Variants in FBXO41 observed in about 807,000 individuals in gnomAD.
The protein encoded by FBXO41 is F-box only protein 41.
A neutral mutation model predicts 81.6 loss-of-function variants in FBXO41; 33 were observed. The observed-to-expected ratio is 0.40, with a 90% CI of 0.31 to 0.54. FBXO41 has a LOEUF of 0.54. Among genes scored for constraint, FBXO41 ranks in the 20% least tolerant of loss-of-function variants. FBXO41 has a pLI of 0.39. For synonymous variants in FBXO41, 576 were observed against 552.7 expected (o/e 1.04, Z -0.59); for missense variants, 1,107 against 1,236.0 (o/e 0.90, Z 1.56).
intron 1 of FBXO41, among the ~76,000 whole-genome samples, chr2:73,276,597 A>AGAGAGAGAGG (rs1688693765): frequency 1.9e-5 from 2 of 105,766 alleles, no homozygotes; most frequent in East Asian, 6.5e-4. Context: ...AGAGAGAGAG[A>AGAGAGAGAGG]GAGAGAGGGA....
Position 73,269,483 on chromosome 2 carries a change from C to A in FBXO41, c.148G>T (p.Gly50Cys). ...ILSKTNSICD[G>C]AAAAAAAAAA... ...GCGGCGGCCGCGGCGGCGGCGGCGC[C>A]GTCGCAGATGCTGTTGGTCTTGGAG... Residue 50 changes from glycine (G) to cysteine (C), a missense_variant, in exon 2 of 13, where the codon GGC becomes TGC. Around this residue, in one of 2 missense-constraint regions of FBXO41, gnomAD observed 771 missense variants for 789.2 expected, o/e 0.98. Transcript: ENST00000520530. The surrounding 1 kb of genome is among the most constrained non-coding windows in gnomAD (Gnocchi z 7.0). 2 of 1,286,358 alleles carry A rather than the reference C, an allele frequency of 1.6e-6. No homozygotes were observed. The highest frequency in any genetic ancestry group is 9.9e-7 in the Non-Finnish European group (1 of 1,012,616). 79.7% of individuals were successfully genotyped at this position (1,286,358 alleles called of 1,614,324 possible).
Position 73,269,222 on chromosome 2 carries a change from G to A in FBXO41, c.409C>T (p.Leu137Phe). 1.3e-6 allele frequency: 2 copies of A among 1,525,140 alleles called. No homozygotes were observed. The highest frequency in any genetic ancestry group is 1.8e-6 in the Non-Finnish European group (2 of 1,137,852). The allele number at this position is 1,525,140 out of a possible 1,614,324, so 94.5% of individuals were successfully genotyped here. Residue 137 changes from leucine (L) to phenylalanine (F), a missense_variant, in exon 2 of 13, where the codon CTT (leucine) becomes TTT (phenylalanine). Leu to Phe is a conservative substitution (Grantham distance 22, BLOSUM62 0). This residue lies in a region of FBXO41 where 771 missense variants were observed against 789.2 expected (regional missense o/e 0.98). Coordinates refer to ENST00000520530, the MANE Select transcript of FBXO41 (RefSeq NM_001371389.2). This position sits in a 1 kb window ranked among gnomAD's most constrained non-coding sequence, Gnocchi z 7.0. ...TAGCGCGCTGCTGCGGCGGGCACAA[G>A]GCCCGGCTCGGCCAACTCCTCACAG... ...LPCEELAEPG[L>F]VPAAAARYAL...
At position 73,269,030 on chromosome 2, in the gene FBXO41, C is replaced by T. The variant is rs1434706788; in HGVS notation, c.601G>A (p.Gly201Ser). 4.6e-6 allele frequency: 7 copies of T among 1,537,500 alleles called. No homozygotes were observed. The highest frequency in any genetic ancestry group is 5.2e-6 in the Non-Finnish European group (6 of 1,146,074). ...PSPADVAYEE[G>S]LARLKIRALE... ...GCGCGGATCTTGAGGCGCGCCAGGC[C>T]CTCTTCGTAGGCCACATCAGCGGGT... Residue 201 changes from glycine to serine, a missense_variant, in exon 2 of 13, where the codon GGC becomes AGC. Coordinates refer to ENST00000520530, the MANE Select transcript of FBXO41 (RefSeq NM_001371389.2). The surrounding 1 kb of genome is among the most constrained non-coding windows in gnomAD (Gnocchi z 7.0).
rs767175125 is a variant in FBXO41, at chr2:73,268,914, G to C, written c.717C>G (p.Ala239=). The change falls in exon 2 of 13, where the codon GCC becomes GCG. Residue 239 remains alanine, a synonymous_variant. Coordinates refer to ENST00000520530, the MANE Select transcript of FBXO41 (RefSeq NM_001371389.2). ...GTTCGGCCGCCTTGCGCTCCAGCTC[G>C]GCCTGCAGCCGGCCCACCTGGCCCG... ...KIAGQVGRLQ[A]ELERKAAELE... is the part of the protein sequence containing the mutation. 2.6e-6 allele frequency: 4 copies of C among 1,543,930 alleles called. No homozygotes were observed. The highest frequency in any genetic ancestry group is 2.4e-5 in the South Asian group (2 of 84,062).
At position 73,269,310 on chromosome 2, in the gene FBXO41, G is replaced by A. The variant is rs997389055; in HGVS notation, c.321C>T (p.His107=). The change falls in exon 2 of 13, where the codon CAC becomes CAT. Residue 107 remains histidine (H), a synonymous_variant. Coordinates refer to ENST00000520530, the MANE Select transcript of FBXO41 (RefSeq NM_001371389.2). The surrounding 1 kb of genome is among the most constrained non-coding windows in gnomAD (Gnocchi z 7.0). Reference sequence around the variant, plus strand: ...CGAGGGGAGCGTGGTGATGGTGGTGGTGCAGCAGGTGCGGCGCCGCGGGCG... The same window carrying A: ...CGAGGGGAGCGTGGTGATGGTGGTGATGCAGCAGGTGCGGCGCCGCGGGCG... The part of the protein sequence containing the change: ...GPSPAAPHLL[H]HHHHHAPLAH... 6.5e-7 allele frequency: 1 copy of A among 1,528,066 alleles called. No homozygotes were observed. Among genetic ancestry groups the A allele is most frequent in the South Asian group, 1.2e-5 (1 of 82,764 alleles). The allele number at this position is 1,528,066 out of a possible 1,614,324, so 94.7% of individuals were successfully genotyped here.
intron 1 of FBXO41, among the ~76,000 whole-genome samples, chr2:73,283,959 A>C (rs1022301813): frequency 3.3e-5 from 5 of 151,950 alleles, no homozygotes; most frequent in African/African-American, 9.7e-5. Flanking sequence ...CTGGTCTCGA[A>C]ACGTTCTGAT....
chr2:73,258,619 A>C lies in FBXO41; in HGVS notation c.*363T>G. 1.3e-5 allele frequency: 3 copies of C among 232,680 alleles called. No homozygotes were observed. The highest frequency in any genetic ancestry group is 1.7e-5 in the Non-Finnish European group (2 of 119,666). The allele number at this position is 232,680 out of a possible 1,614,324, so 14.4% of individuals were successfully genotyped here. ...CTGACCAGGAGGCTGGGCCTCAGGA[A>C]GGAGAGGCCAGCCAGAACAGCTGAG... On this transcript the variant is annotated 3_prime_UTR_variant, in exon 13 of 13. Transcript: ENST00000520530.
In FBXO41 at chr2:73,259,085, G is replaced by A. The variant is rs1443205628; in HGVS notation, c.2566-41C>T. The A allele has an allele frequency of 6.2e-7, 1 of 1,607,746 alleles. No individual in the cohort carries two copies. Among genetic ancestry groups the A allele is most frequent in the Non-Finnish European group, 8.5e-7 (1 of 1,176,558 alleles). On this transcript the variant is annotated intron_variant, in intron 12 of 12. Coordinates refer to ENST00000520530, the MANE Select transcript of FBXO41 (RefSeq NM_001371389.2). This position sits in a 1 kb window ranked among gnomAD's most constrained non-coding sequence, Gnocchi z 4.2. ...TGGGTTAGTTCTCCCTCCGTGCCAG[G>A]CAGGTGGGGCCCTCCTGCCACACTC...
rs1466422084 is a variant in FBXO41, at chr2:73,269,782, G to C, written c.-138-14C>G. 1 of 314,088 alleles carries C rather than the reference G, an allele frequency of 3.2e-6. No individual in the cohort carries two copies. The highest frequency in any genetic ancestry group is 5.6e-5 in the Admixed American group (1 of 17,702). 19.5% of individuals were successfully genotyped at this position (314,088 alleles called of 1,614,324 possible). On this transcript the variant is annotated splice_polypyrimidine_tract_variant and intron_variant, in intron 1 of 12. Transcript: ENST00000520530. The surrounding 1 kb of genome is among the most constrained non-coding windows in gnomAD (Gnocchi z 7.0). ...GGGGCGAGGAGGCTGGAAGAGACGC[G>C]ATGAGTCTTAGGAAGAGGGTATCGC... is the stretch of plus-strand genomic sequence containing the variant.
intron 1 of FBXO41, among the ~76,000 whole-genome samples, chr2:73,273,544 G>C (rs747669927): frequency 1.8e-4 from 28 of 152,154 alleles, no homozygotes; most frequent in Non-Finnish European, 3.4e-4. Context: ...TGTTCCATTA[G>C]AATCACAGTG....
In FBXO41 at chr2:73,259,498, T is replaced by G. The variant is rs574726925; in HGVS notation, c.2450-202A>C. ...GGCTGAGGCACAGGAGAGGCTGCAT[T>G]GGCCTCTGGGAGGGTGAGTGGGCAG... On this transcript the variant is annotated intron_variant, in intron 11 of 12. Coordinates refer to ENST00000520530, the MANE Select transcript of FBXO41 (RefSeq NM_001371389.2). This position sits in a 1 kb window ranked among gnomAD's most constrained non-coding sequence, Gnocchi z 4.2. Among the ~76,000 whole-genome samples, 4 of 152,226 alleles carry G rather than the reference T, an allele frequency of 2.6e-5. No individual in the cohort carries two copies. The South Asian group carries it at 8.3e-4, about 32-fold the overall frequency.
Position 73,266,045 on chromosome 2 carries a change from G to A in FBXO41, c.1132-79C>T. The A allele has an allele frequency of 7.9e-7, 1 of 1,269,018 alleles. No individual in the cohort carries two copies. Among genetic ancestry groups the A allele is most frequent in the Non-Finnish European group, 1.1e-6 (1 of 895,244 alleles). 78.6% of individuals were successfully genotyped at this position (1,269,018 alleles called of 1,614,324 possible). ...TGAGCAGGAATAGCAGGGGAAACAG[G>A]GCAAAAGATGGAGAGGAGATGGGGG... On this transcript the variant is annotated intron_variant, in intron 3 of 12. Transcript: ENST00000520530. This position sits in a 1 kb window ranked among gnomAD's most constrained non-coding sequence, Gnocchi z 5.3.
intron 6 of FBXO41, 104 bp from the exon 7 acceptor site, chr2:73,264,157 A>C (rs978011828): frequency 7.7e-6 from 12 of 1,558,952 alleles, no homozygotes; most frequent in Non-Finnish European, 1.0e-5. Context: ...CATTTCAGGG[A>C]AGCCAGGTTG....
rs1207549272 is a variant in FBXO41 at position 73,266,265 on chromosome 2, A to C, written c.1131+192T>G. Among the ~76,000 whole-genome samples, 2 of 152,102 alleles carry C rather than the reference A, an allele frequency of 1.3e-5. No homozygotes were observed. The highest frequency in any genetic ancestry group is 1.3e-4 in the Admixed American group (2 of 15,280). ...TGGGGCCACCGAATCACATCTCACT[A>C]CAGCCTCGGGGGCTGGCACTGGCAC... On this transcript the variant is annotated intron_variant, in intron 3 of 12. Transcript: ENST00000520530. The surrounding 1 kb of genome is among the most constrained non-coding windows in gnomAD (Gnocchi z 5.3).
chr2:73,262,660 G>A lies in FBXO41; in HGVS notation c.2171+553C>T, dbSNP rs142871920. Among the ~76,000 whole-genome samples the A allele has an allele frequency of 1.9e-3, 295 of 152,370 alleles. 3 individuals carry two copies. The highest frequency in any genetic ancestry group is 4.5e-3 in the African/African-American group (186 of 41,592). On this transcript the variant is annotated intron_variant, in intron 9 of 12. Transcript: ENST00000520530. Reference sequence around the variant, plus strand: ...ATACCACCTTTACTTTGCAGTTTGAGAAACTAAGACATGATTGAGATTGCC... The same window carrying A: ...ATACCACCTTTACTTTGCAGTTTGAAAAACTAAGACATGATTGAGATTGCC...
At chr2:73,262,352 T>C (rs1000443042) in intron 9 of FBXO41, among the ~76,000 whole-genome samples, 3 of 152,120 alleles carry the variant, frequency 2.0e-5, no homozygotes, top group Non-Finnish European at 4.4e-5. Context: ...GAAGGCACAC[T>C]GGATGACTGG....
At position 73,266,936 on chromosome 2, in the gene FBXO41, A is replaced by G; in HGVS notation, c.906-254T>C. The G allele has an allele frequency of 2.1e-6, 1 of 468,124 alleles. No individual in the cohort carries two copies. Among genetic ancestry groups the G allele is most frequent in the Non-Finnish European group, 3.7e-6 (1 of 270,932 alleles). 29.0% of individuals were successfully genotyped at this position (468,124 alleles called of 1,614,324 possible). ...CCCAGACCCTGCTCTCCACAGAAAT[A>G]CTGCACACCCTGCTCTCCACAGAAA... On this transcript the variant is annotated intron_variant, in intron 2 of 12. Coordinates refer to ENST00000520530, the MANE Select transcript of FBXO41 (RefSeq NM_001371389.2). The surrounding 1 kb of genome is among the most constrained non-coding windows in gnomAD (Gnocchi z 5.3).
At position 73,266,069 on chromosome 2, in the gene FBXO41, G is replaced by A; in HGVS notation, c.1132-103C>T. The A allele has an allele frequency of 2.0e-6, 2 of 1,005,394 alleles. No individual in the cohort carries two copies. Among genetic ancestry groups the A allele is most frequent in the Non-Finnish European group, 3.0e-6 (2 of 663,722 alleles). 62.3% of individuals were successfully genotyped at this position (1,005,394 alleles called of 1,614,324 possible). ...GGGCAAAAGATGGAGAGGAGATGGG[G>A]GAGAGGAGAGAGAAGGGAAAATAGT... is the stretch of plus-strand genomic sequence containing the variant. On this transcript the variant is annotated intron_variant, in intron 3 of 12. Coordinates refer to ENST00000520530, the MANE Select transcript of FBXO41 (RefSeq NM_001371389.2). The surrounding 1 kb of genome is among the most constrained non-coding windows in gnomAD (Gnocchi z 5.3).
chr2:73,266,384 C>G lies in FBXO41; in HGVS notation c.1131+73G>C. On this transcript the variant is annotated intron_variant, in intron 3 of 12. Coordinates refer to ENST00000520530, the MANE Select transcript of FBXO41 (RefSeq NM_001371389.2). The surrounding 1 kb of genome is among the most constrained non-coding windows in gnomAD (Gnocchi z 5.3). ...GAATGCGGCATCATGGGGGAGATGT[C>G]CAGCCATGTGAAAGGTGAGGTTGTG... 1 of 1,414,348 alleles carries G rather than the reference C, an allele frequency of 7.1e-7. No individual in the cohort carries two copies. The highest frequency in any genetic ancestry group is 9.3e-7 in the Non-Finnish European group (1 of 1,069,550). The allele number at this position is 1,414,348 out of a possible 1,614,324, so 87.6% of individuals were successfully genotyped here. A position where few individuals can be genotyped will look rare whatever the true frequency, so the allele number is the denominator to read the frequency against.
Sources: allele counts gnomAD v4.1 joint callset (sites outside exome capture counted in the v4.1 genomes callset), GRCh38; gene constraint gnomAD v4.1.1; regional missense constraint gnomAD v4.1.1; non-coding constraint Gnocchi (gnomAD v3.1); transcripts MANE v1.5; gene names NCBI Gene and HGNC (gene_info 2026-07-23, HGNC 2026-07-21).